P2RX5: variants seen among roughly 807,000 people sequenced by gnomAD.
The protein encoded by P2RX5 is P2X purinoceptor 5.
P2RX5 carries 46 observed loss-of-function variants against 54.1 expected under a neutral mutation model. The ratio of observed to expected loss-of-function variants is 0.85; its 90% CI spans 0.67 to 1.09. The LOEUF is 1.09. Among genes scored for constraint, P2RX5 ranks in the 50% least tolerant of loss-of-function variants. P2RX5 has a pLI of 0.00. For missense variants in P2RX5, 566 were observed against 549.8 expected, an observed-to-expected ratio of 1.03 and a Z score of -0.29; for synonymous variants, 226 against 226.4, an observed-to-expected ratio of 1.00 and a Z score of 0.02.
upstream of P2RX5, among the ~76,000 whole-genome samples, chr17:3,697,630 A>G (rs747879985): frequency 9.2e-5 from 14 of 152,230 alleles, no homozygotes; most frequent in African/African-American, 1.7e-4. Context: ...TGTGGAAGAA[A>G]AAAAGGCAAA....
intron 11 of P2RX5, chr17:3,676,599 C>T (rs2050110924): frequency 3.0e-6 from 3 of 985,120 alleles, no homozygotes; most frequent in Non-Finnish European, 1.2e-6. Context: ...AAATTGGCTC[C>T]ATCCACCAAA....
chr17:3,683,470 C>T (rs942944723), intron 9 of P2RX5, among the ~76,000 whole-genome samples: 7 of 152,374 alleles, frequency 4.6e-5, no homozygotes, highest in East Asian at 3.9e-4. Context: ...CAGTGGCTCA[C>T]GCCTGTGATC....
intron 7 of P2RX5, 65 bp from the exon 8 acceptor site, chr17:3,688,824 A>G: frequency 6.3e-7 from 1 of 1,579,304 alleles, no homozygotes; most frequent in South Asian, 1.1e-5. Context: ...ATCCCAGGCC[A>G]GCCCTTCACC....
At chr17:3,713,737 CA>C in the P2RX5 span, among the ~76,000 whole-genome samples, 1 of 129,008 alleles carries the variant, frequency 7.8e-6, no homozygotes, top group Admixed American at 7.6e-5. Flanking sequence ...GCAGTAAGAG[CA>C]AAACTCTGTC....
upstream of P2RX5, chr17:3,696,368 C>G (rs8066216): frequency 0.45 from 78,718 of 173,268 alleles, 18,692 homozygotes; most frequent in East Asian, 0.56. Context: ...GCAGGACCGC[C>G]CTGTGCTGTT....
intron 11 of P2RX5, chr17:3,676,446 C>T (rs1469937233): frequency 2.0e-6 from 2 of 982,712 alleles, no homozygotes; most frequent in African/African-American, 1.7e-5. Flanking sequence ...ACTGACTATC[C>T]TTTGCACCTT....
chr17:3,713,055 C>A, the P2RX5 span, among the ~76,000 whole-genome samples: 1 of 152,158 alleles, frequency 6.6e-6, no homozygotes, highest in Admixed American at 6.6e-5. Flanking sequence ...GGTATTTTCA[C>A]ACAGTAGCAA....
At chr17:3,722,201 G>A in the P2RX5 span, among the ~76,000 whole-genome samples, 4 of 150,588 alleles carry the variant, frequency 2.7e-5, no homozygotes, top group Non-Finnish European at 5.9e-5. Context: ...GAACACCTAG[G>A]TCGGGTGCGG....
At chr17:3,706,144 G>A in the P2RX5 span, among the ~76,000 whole-genome samples, 1 of 151,962 alleles carries the variant, frequency 6.6e-6, no homozygotes, top group East Asian at 1.9e-4. Flanking sequence ...TAGTAGAGAC[G>A]GGGTTTCATC....
At chr17:3,715,105 A>G in the P2RX5 span, among the ~76,000 whole-genome samples, 5 of 152,158 alleles carry the variant, frequency 3.3e-5, no homozygotes, top group East Asian at 3.9e-4. Flanking sequence ...GGAGAGTCCA[A>G]TCCTTCAAGA....
At chr17:3,696,895 G>A (rs1473171614), upstream of P2RX5, among the ~76,000 whole-genome samples, 2 of 152,126 alleles carry the variant, frequency 1.3e-5, no homozygotes, top group Non-Finnish European at 2.9e-5. Context: ...TCCTGCCAGG[G>A]AGATACATTC....
the P2RX5 span, among the ~76,000 whole-genome samples, chr17:3,715,461 C>T: frequency 6.6e-6 from 1 of 152,140 alleles, no homozygotes; most frequent in Non-Finnish European, 1.5e-5. Context: ...TCAGGGAAGA[C>T]AGTGAGTGAA....
the P2RX5 span, chr17:3,720,728 A>G: frequency 5.1e-6 from 1 of 196,954 alleles, no homozygotes; most frequent in African/African-American, 2.4e-5. Context: ...AATTATGGGC[A>G]TGTGCCACCA....
At chr17:3,693,143 A>AG (rs1416106541) in intron 1 of P2RX5, among the ~76,000 whole-genome samples, 143 of 151,530 alleles carry the variant, frequency 9.4e-4, no homozygotes, top group African/African-American at 3.4e-3. Context: ...AAAAAAAAAA[A>AG]AAGAGAGAGA....
upstream of P2RX5, among the ~76,000 whole-genome samples, chr17:3,699,923 A>AAAGAAAG (rs2050806286): frequency 1.4e-5 from 1 of 69,014 alleles, no homozygotes; most frequent in Non-Finnish European, 3.6e-5. Context: ...GGAAGGAAAG[A>AAAGAAAG]AAGAAAGAAA....
chr17:3,702,185 A>T, the P2RX5 span, among the ~76,000 whole-genome samples: 3 of 144,444 alleles, frequency 2.1e-5, no homozygotes, highest in African/African-American at 7.4e-5. Flanking sequence ...TAGCTAAAGG[A>T]TTGTAAATGC....
chr17:3,677,999 C>T, intron 11 of P2RX5: 1 of 985,424 alleles, frequency 1.0e-6, no homozygotes, highest in Non-Finnish European at 1.2e-6. Context: ...GGCACAGACT[C>T]CTCTACCCAG....
chr17:3,675,453 T>G (rs2050081306), intron 11 of P2RX5: 1 of 985,274 alleles, frequency 1.0e-6, no homozygotes, highest in Non-Finnish European at 1.2e-6. Flanking sequence ...ACCCCTGCCT[T>G]TTTTGCTTCC....
rs1256536887 is a variant in P2RX5, at chr17:3,673,872, G to A, written c.1265C>T (p.Thr422Met). 8 of 1,612,590 alleles carry A rather than the reference G, an allele frequency of 5.0e-6. No individual in the cohort carries two copies. In the African/African-American group the frequency reaches 5.3e-5, roughly 11 times the overall value. Residue 422 changes from threonine to methionine, a missense_variant, in exon 12 of 12, where the codon ACG becomes ATG. Coordinates refer to ENST00000225328, the MANE Select transcript of P2RX5 (RefSeq NM_002561.4). The stretch of plus-strand genomic sequence containing the variant: ...CTGAACGTAAGCAGAGGCAATTCAC[G>A]TGCTCCTGGAATATCAGAACAGAAA... The part of the protein sequence containing the change: ...CPQLLEPHRS[T>M]
Sources: gnomAD v4.1 joint callset for allele counts (sites outside exome capture counted in the v4.1 genomes callset) on GRCh38, gnomAD v4.1.1 for gene constraint, MANE v1.5 for transcripts, NCBI Gene and HGNC (gene_info 2026-07-23, HGNC 2026-07-21) for gene names.